TXNDC11: variants seen among roughly 807,000 people sequenced by gnomAD.
TXNDC11 encodes thioredoxin domain-containing protein 11.
TXNDC11 carries 68 observed loss-of-function variants against 78.0 expected under a neutral mutation model. That is an observed-to-expected ratio of 0.87 (90% confidence interval 0.72 to 1.07). The LOEUF is 1.07. Ranked by LOEUF, TXNDC11 falls within the 50% of genes least tolerant of loss-of-function variation. The pLI is 0.00. For synonymous variants in TXNDC11, 571 were observed against 495.2 expected, an observed-to-expected ratio of 1.15 and a Z score of -2.03; for missense variants, 1,389 against 1,221.8, an observed-to-expected ratio of 1.14 and a Z score of -2.04.
chr16:11,683,388 C>A (rs2050482178), intron 11 of TXNDC11, among the ~76,000 whole-genome samples: 1 of 152,146 alleles, frequency 6.6e-6, no homozygotes, highest in Admixed American at 6.5e-5. Context: ...CTCCTGGAAT[C>A]CGAGAAAAGG....
chr16:11,701,215 C>T (rs1019430742), intron 5 of TXNDC11, among the ~76,000 whole-genome samples: 2 of 137,998 alleles, frequency 1.4e-5, no homozygotes, highest in Admixed American at 1.6e-4. Context: ...CGGCTCACTA[C>T]AACCTCCGTC....
intron 11 of TXNDC11, among the ~76,000 whole-genome samples, chr16:11,680,395 C>G (rs1273401281): frequency 6.6e-6 from 1 of 152,232 alleles, no homozygotes; most frequent in African/African-American, 2.4e-5. Context: ...ACATCTGGCT[C>G]ACACCTGGCA....
At chr16:11,711,574 T>G (rs1445664943) in intron 5 of TXNDC11, among the ~76,000 whole-genome samples, 10 of 152,354 alleles carry the variant, frequency 6.6e-5, no homozygotes, top group Middle Eastern at 6.8e-3. Flanking sequence ...GCCTCCAATT[T>G]TGATTCTTAA....
intron 5 of TXNDC11, among the ~76,000 whole-genome samples, chr16:11,711,325 T>C (rs770339552): frequency 2.0e-5 from 3 of 152,168 alleles, no homozygotes; most frequent in Non-Finnish European, 4.4e-5. Flanking sequence ...CTGTAACAAA[T>C]AATGGCAGAC....
intron 4 of TXNDC11, among the ~76,000 whole-genome samples, chr16:11,726,400 G>A (rs12929940): frequency 0.47 from 71,387 of 151,536 alleles, 17,111 homozygotes; most frequent in Middle Eastern, 0.57. Context: ...AGCTAACAAG[G>A]TGAAACTCCA....
intron 7 of TXNDC11, chr16:11,692,325 G>A: frequency 2.3e-6 from 1 of 440,160 alleles, no homozygotes; most frequent in Non-Finnish European, 4.0e-6. Context: ...GCGTGTCCAT[G>A]CTGTGGATGC....
At chr16:11,720,292 T>C (rs1303830418) in intron 5 of TXNDC11, among the ~76,000 whole-genome samples, 1 of 152,182 alleles carries the variant, frequency 6.6e-6, no homozygotes, top group African/African-American at 2.4e-5. Flanking sequence ...GTTTTATACC[T>C]ATAAAAATAC....
At chr16:11,738,150 A>G (rs972505863) in intron 1 of TXNDC11, among the ~76,000 whole-genome samples, 2 of 152,254 alleles carry the variant, frequency 1.3e-5, no homozygotes, top group South Asian at 2.1e-4. Flanking sequence ...AACTTGGATG[A>G]GTCTCAAAAT....
rs372631854 is a variant in TXNDC11 at position 11,729,117 on chromosome 16, C to T, written c.699+1528G>A. Among the ~76,000 whole-genome samples, 38 of 152,358 alleles carry T rather than the reference C, an allele frequency of 2.5e-4. No homozygotes were observed. In the East Asian group the frequency reaches 2.7e-3, roughly 11 times the overall value. ...CCCGAGTGGCTCTGGCTGTAACCCACTGAAGAACCATGTCAAAACCCACTT... is the reference window on the plus strand; with the variant it reads ...CCCGAGTGGCTCTGGCTGTAACCCATTGAAGAACCATGTCAAAACCCACTT... On this transcript the variant is annotated intron_variant, in intron 4 of 11. Transcript: ENST00000283033.
chr16:11,742,737 C>G lies in TXNDC11; in HGVS notation c.-7G>C. On this transcript the variant is annotated 5_prime_UTR_variant, in exon 1 of 12. Coordinates refer to ENST00000283033, the MANE Select transcript of TXNDC11 (RefSeq NM_015914.7). ...GGCCTCCGCATTCCGACATTACATG[C>G]TCCCAGTCGCCGGCTTTATACCGCC... The G allele has an allele frequency of 6.8e-7, 1 of 1,467,312 alleles. No homozygotes were observed. Among genetic ancestry groups the G allele is most frequent in the Non-Finnish European group, 8.9e-7 (1 of 1,118,382 alleles). 90.9% of individuals were successfully genotyped at this position (1,467,312 alleles called of 1,614,324 possible).
At chr16:11,694,576 T>C (rs2050809857) in intron 7 of TXNDC11, among the ~76,000 whole-genome samples, 2 of 152,046 alleles carry the variant, frequency 1.3e-5, no homozygotes, top group Admixed American at 6.6e-5. Context: ...GCCTCCCAAG[T>C]AGCTGAGACT....
chr16:11,703,454 C>A (rs1429103115), intron 5 of TXNDC11, among the ~76,000 whole-genome samples: 2 of 151,592 alleles, frequency 1.3e-5, no homozygotes, highest in South Asian at 4.2e-4. Context: ...CTAAAATAAA[C>A]CCTGTGATGT....
intron 11 of TXNDC11, among the ~76,000 whole-genome samples, chr16:11,682,507 C>A (rs375184506): frequency 8.0e-4 from 122 of 152,326 alleles, no homozygotes; most frequent in Middle Eastern, 6.8e-3. Context: ...CCAGATGACG[C>A]CCCACCCTGC....
intron 8 of TXNDC11, among the ~76,000 whole-genome samples, chr16:11,690,511 T>G (rs1264836992): frequency 6.6e-6 from 1 of 152,182 alleles, no homozygotes; most frequent in Non-Finnish European, 1.5e-5. Flanking sequence ...CATTTAAGCC[T>G]ATGAGACAAA....
At chr16:11,692,499 T>A (rs1354723242) in intron 7 of TXNDC11, among the ~76,000 whole-genome samples, 1 of 152,104 alleles carries the variant, frequency 6.6e-6, no homozygotes, top group Non-Finnish European at 1.5e-5. Context: ...AAATGCTTCC[T>A]TTAAGTGAAA....
intron 3 of TXNDC11, among the ~76,000 whole-genome samples, chr16:11,733,500 C>T (rs2052117784): frequency 6.6e-6 from 1 of 151,356 alleles, no homozygotes; most frequent in Non-Finnish European, 1.5e-5. Flanking sequence ...GCACTCCAGC[C>T]TGGGCAACAG....
chr16:11,701,415 G>A (rs1479503534), intron 5 of TXNDC11, among the ~76,000 whole-genome samples: 1 of 152,044 alleles, frequency 6.6e-6, no homozygotes, highest in African/African-American at 2.4e-5. Context: ...AGAATTACAG[G>A]TGTGAGCCAC....
At chr16:11,704,382 G>A (rs1224311312) in intron 5 of TXNDC11, among the ~76,000 whole-genome samples, 1 of 152,222 alleles carries the variant, frequency 6.6e-6, no homozygotes, top group Non-Finnish European at 1.5e-5. Flanking sequence ...AAGATCCACT[G>A]ATGGAGGCTA....
At chr16:11,681,953 A>G (rs2050436100) in intron 11 of TXNDC11, among the ~76,000 whole-genome samples, 1 of 152,252 alleles carries the variant, frequency 6.6e-6, no homozygotes, top group Non-Finnish European at 1.5e-5. Context: ...AGCACCTTCA[A>G]ATCACTTGCA....
Sources: gnomAD v4.1 joint callset for allele counts (sites outside exome capture counted in the v4.1 genomes callset) on GRCh38, gnomAD v4.1.1 for gene constraint, MANE v1.5 for transcripts, NCBI Gene and HGNC (gene_info 2026-07-23, HGNC 2026-07-21) for gene names.